MDGA2: variants seen among roughly 807,000 people sequenced by gnomAD.
The protein encoded by MDGA2 is MAM domain-containing glycosylphosphatidylinositol anchor protein 2.
In MDGA2, 40 loss-of-function variants were observed where a neutral mutation model predicts 117.8. That is an observed-to-expected ratio of 0.34 (90% CI 0.26 to 0.44). MDGA2 has a LOEUF of 0.44. Ranked by LOEUF, MDGA2 falls within the 20% of genes least tolerant of loss-of-function variation. The pLI, the probability that MDGA2 is intolerant of heterozygous loss-of-function variation, is 1.00. For synonymous variants in MDGA2, 452 were observed against 439.0 expected (o/e 1.03, Z -0.37); for missense variants, 1,123 against 1,250.6 (o/e 0.90, Z 1.54).
intron 8 of MDGA2, among the ~76,000 whole-genome samples, chr14:46,979,072 C>T (rs575466187): frequency 1.6e-3 from 239 of 152,222 alleles, no homozygotes; most frequent in Non-Finnish European, 2.0e-3. Flanking sequence ...CAGCATAGTA[C>T]TCACTTTGTG....
chr14:47,579,035 C>A (rs1425445683), intron 1 of MDGA2, among the ~76,000 whole-genome samples: 1 of 151,896 alleles, frequency 6.6e-6, no homozygotes, highest in Admixed American at 6.6e-5. Context: ...TTTTTTAATA[C>A]AAATATCTTA....
At chr14:47,182,956 T>A (rs181289592) in intron 3 of MDGA2, among the ~76,000 whole-genome samples, 2 of 152,256 alleles carry the variant, frequency 1.3e-5, no homozygotes, top group African/African-American at 4.8e-5. Flanking sequence ...CTACATGATT[T>A]TAGCTTTAAT....
intron 14 of MDGA2, among the ~76,000 whole-genome samples, chr14:46,867,569 ATTAG>A (rs1881825689): frequency 6.6e-6 from 1 of 152,056 alleles, no homozygotes; most frequent in Admixed American, 6.6e-5. Context: ...AAACTTAATG[ATTAG>A]TTAATTTCAG....
intron 1 of MDGA2, among the ~76,000 whole-genome samples, chr14:47,431,802 AT>A (rs962484857): frequency 6.6e-6 from 1 of 152,036 alleles, no homozygotes; most frequent in Non-Finnish European, 1.5e-5. Context: ...TCTACATTAC[AT>A]TTTTTTAAAT....
intron 2 of MDGA2, among the ~76,000 whole-genome samples, chr14:47,224,387 T>C (rs1328734603): frequency 6.6e-6 from 1 of 151,732 alleles, no homozygotes; most frequent in Non-Finnish European, 1.5e-5. Context: ...TTGACTGAGA[T>C]AATCTTAGGA....
intron 5 of MDGA2, among the ~76,000 whole-genome samples, chr14:47,107,112 C>G (rs926632004): frequency 6.8e-6 from 1 of 147,542 alleles, no homozygotes; most frequent in African/African-American, 2.5e-5. Context: ...CCTTGGCGAC[C>G]GATCATGCAC....
chr14:46,862,308 G>T lies in MDGA2; in HGVS notation c.2753-7154C>A, dbSNP rs184003882. Among the ~76,000 whole-genome samples, 6 of 151,598 alleles carry T rather than the reference G, an allele frequency of 4.0e-5. No homozygotes were observed. In the East Asian group the frequency reaches 1.2e-3, roughly 29 times the overall value. On this transcript the variant is annotated intron_variant, in intron 14 of 16. Transcript: ENST00000399232. ...ATGTTTAAAGACTACAGGCAAAAAG[G>T]CTAAATGACACAAGTGCTGTCTTAT... is the stretch of plus-strand genomic sequence containing the variant.
At position 47,558,479 on chromosome 14, in the gene MDGA2, C is replaced by A. The variant is rs183250652; in HGVS notation, c.280+116038G>T. On this transcript the variant is annotated intron_variant, in intron 1 of 16. Coordinates refer to ENST00000399232, the MANE Select transcript of MDGA2 (RefSeq NM_001113498.3). ...TATTTGTACCTCAACAAATGAAGAACAACAGTCAAGTTTCCAAAAATAATA... is the reference window on the plus strand; with the variant it reads ...TATTTGTACCTCAACAAATGAAGAAAAACAGTCAAGTTTCCAAAAATAATA... Among the ~76,000 whole-genome samples, 390 of 152,222 alleles carry A rather than the reference C, an allele frequency of 2.6e-3. 3 individuals carry two copies. Among genetic ancestry groups the A allele is most frequent in the Non-Finnish European group, 3.9e-3 (268 of 67,988 alleles).
chr14:47,468,991 T>C (rs1364088695), intron 1 of MDGA2, among the ~76,000 whole-genome samples: 1 of 152,160 alleles, frequency 6.6e-6, no homozygotes, highest in Non-Finnish European at 1.5e-5. Context: ...AGTATGATTC[T>C]ATTCTATCTG....
chr14:47,651,216 GTGT>G (rs1897635428), intron 1 of MDGA2, among the ~76,000 whole-genome samples: 4 of 4,134 alleles, frequency 9.7e-4, no homozygotes, highest in Admixed American at 4.1e-3. Flanking sequence ...TGCATGTGGT[GTGT>G]GTGTGTGTGT....
intron 3 of MDGA2, among the ~76,000 whole-genome samples, chr14:47,180,611 C>A (rs973684337): frequency 6.6e-6 from 1 of 152,022 alleles, no homozygotes; most frequent in Non-Finnish European, 1.5e-5. Context: ...AAATGCAAAT[C>A]AAAATTACAA....
intron 1 of MDGA2, among the ~76,000 whole-genome samples, chr14:47,578,853 T>C (rs757418427): frequency 6.6e-6 from 1 of 152,148 alleles, no homozygotes; most frequent in South Asian, 2.1e-4. Flanking sequence ...ATTCCCTATG[T>C]TATCCAGTTA....
chr14:46,903,772 C>G (rs534570278), intron 10 of MDGA2, among the ~76,000 whole-genome samples: 1 of 151,980 alleles, frequency 6.6e-6, no homozygotes, highest in African/African-American at 2.4e-5. Context: ...TACTTTATCT[C>G]GGTTTGTGCC....
intron 1 of MDGA2, among the ~76,000 whole-genome samples, chr14:47,407,375 T>C (rs181179055): frequency 6.6e-6 from 1 of 152,296 alleles, no homozygotes; most frequent in African/African-American, 2.4e-5. Context: ...TTATTTTCAG[T>C]CATTTTACTA....
At chr14:47,177,597 C>T (rs1049515729) in intron 3 of MDGA2, among the ~76,000 whole-genome samples, 3 of 152,138 alleles carry the variant, frequency 2.0e-5, no homozygotes, top group African/African-American at 4.8e-5. Flanking sequence ...GGGAATTGAA[C>T]AATGAGAACA....
chr14:47,407,738 T>C (rs1165096897), intron 1 of MDGA2, among the ~76,000 whole-genome samples: 2 of 152,196 alleles, frequency 1.3e-5, no homozygotes, highest in Non-Finnish European at 2.9e-5. Flanking sequence ...CTTAATATTA[T>C]AGTGAAAATG....
At chr14:47,487,924 GT>G (rs1894093629) in intron 1 of MDGA2, among the ~76,000 whole-genome samples, 1 of 151,978 alleles carries the variant, frequency 6.6e-6, no homozygotes, top group African/African-American at 2.4e-5. Context: ...TTATTTTTAT[GT>G]ATCATACCAG....
chr14:47,402,449 T>C (rs1892174210), intron 1 of MDGA2, among the ~76,000 whole-genome samples: 1 of 151,060 alleles, frequency 6.6e-6, no homozygotes, highest in Non-Finnish European at 1.5e-5. Context: ...GCTAAACTTG[T>C]CCTCAGGTGC....
chr14:47,090,153 T>C (rs1879555155), intron 6 of MDGA2, among the ~76,000 whole-genome samples: 2 of 152,134 alleles, frequency 1.3e-5, no homozygotes, highest in South Asian at 4.1e-4. Context: ...TTAAAATTCA[T>C]ATTTAAAGAC....
Sources: allele counts gnomAD v4.1 joint callset (sites outside exome capture counted in the v4.1 genomes callset), GRCh38; gene constraint gnomAD v4.1.1; transcripts MANE v1.5; gene names NCBI Gene and HGNC (gene_info 2026-07-23, HGNC 2026-07-21).